HTR3A: variants seen among roughly 807,000 people sequenced by gnomAD.
HTR3A encodes 5-hydroxytryptamine receptor 3A.
A neutral mutation model predicts 54.8 loss-of-function variants in HTR3A; 45 were observed. The ratio of observed to expected loss-of-function variants is 0.82; its 90% CI spans 0.65 to 1.05. The LOEUF is 1.05. HTR3A is among the 50% of genes least tolerant of loss of function. The pLI, the probability that HTR3A is intolerant of heterozygous loss-of-function variation, is 0.00. For missense variants in HTR3A, 657 were observed against 614.0 expected (o/e 1.07, Z -0.74); for synonymous variants, 297 against 256.0 (o/e 1.16, Z -1.53).
intron 8 of HTR3A, among the ~76,000 whole-genome samples, chr11:113,988,028 G>A (rs796397498): frequency 7.2e-5 from 11 of 152,194 alleles, no homozygotes; most frequent in African/African-American, 2.7e-4. Context: ...GAATTTGCTT[G>A]TCCTAAATCA....
In HTR3A at chr11:113,986,626, G is replaced by A. The variant is rs150760041; in HGVS notation, c.814G>A (p.Glu272Lys). 11 of 1,613,832 alleles carry A rather than the reference G, an allele frequency of 6.8e-6. No homozygotes were observed. Among genetic ancestry groups the A allele is most frequent in the Admixed American group, 1.7e-5 (1 of 59,996 alleles). ...VGFYLPPNSG[E>K]RVSFKITLLL... ...CTTCTACCTGCCCCCCAACAGTGGCGAGAGGGTCTCTTTCAAGATTACACT... is the reference window on the plus strand; with the variant it reads ...CTTCTACCTGCCCCCCAACAGTGGCAAGAGGGTCTCTTTCAAGATTACACT... Residue 272 changes from glutamate to lysine, a missense_variant, in exon 7 of 9, where the codon GAG (glutamate) becomes AAG (lysine). By Grantham distance (56) the Glu-to-Lys change is moderately conservative. Coordinates refer to ENST00000504030, the MANE Select transcript of HTR3A (RefSeq NM_000869.6).
chr11:113,983,347 T>G, intron 5 of HTR3A, 58 bp downstream of exon 5: 5 of 1,597,158 alleles, frequency 3.1e-6, no homozygotes, highest in Non-Finnish European at 4.3e-6. Context: ...CAGGGACACC[T>G]GAGCGAGGAG....
At position 113,986,844 on chromosome 11, in the gene HTR3A, C is replaced by G; in HGVS notation, c.936C>G (p.Cys312Trp). ...TPLIGVYFVV[C>W]MALLVISLAE... Reference sequence around the variant, plus strand: ...GCACAGGTGTCTACTTTGTGGTGTGCATGGCTCTGCTGGTGATAAGTTTGG... The same window carrying G: ...GCACAGGTGTCTACTTTGTGGTGTGGATGGCTCTGCTGGTGATAAGTTTGG... The change falls in exon 8 of 9, where the codon TGC becomes TGG. Residue 312 changes from cysteine to tryptophan, a missense_variant. Transcript: ENST00000504030. 1 of 1,612,230 alleles carries G rather than the reference C, an allele frequency of 6.2e-7. No homozygotes were observed. Among genetic ancestry groups the G allele is most frequent in the Non-Finnish European group, 8.5e-7 (1 of 1,180,028 alleles).
In HTR3A at chr11:113,987,080, G is replaced by A. The variant is rs749216286; in HGVS notation, c.1138+34G>A. On this transcript the variant is annotated intron_variant, in intron 8 of 8. Coordinates refer to ENST00000504030, the MANE Select transcript of HTR3A (RefSeq NM_000869.6). ...CAGAAGGGAAGAGTCCATACAGAGG[G>A]GCTGCTTCTGGCTTGGATGTTGTGG... The A allele has an allele frequency of 1.3e-5, 21 of 1,601,626 alleles. No homozygotes were observed. In the African/African-American group the frequency reaches 2.0e-4, roughly 15 times the overall value.
rs375271884 is a variant in HTR3A at position 113,981,196 on chromosome 11, C to T, written c.265-7C>T. The T allele has an allele frequency of 6.3e-7, 1 of 1,578,740 alleles. No homozygotes were observed. The highest frequency in any genetic ancestry group is 1.3e-5 in the African/African-American group (1 of 74,274). ...GCTGCCTGTGACCATCCCTGCTCCT[C>T]CCCTAGTACTGGACTGATGAGTTTC... On this transcript the variant is annotated splice_polypyrimidine_tract_variant and splice_region_variant and intron_variant, in intron 3 of 8. Transcript: ENST00000504030.
Position 113,989,894 on chromosome 11 carries a change from T to A in HTR3A, c.*131T>A. 1.9e-6 allele frequency: 2 copies of A among 1,027,550 alleles called. No individual in the cohort carries two copies. 63.7% of individuals were successfully genotyped at this position (1,027,550 alleles called of 1,614,324 possible). ...GACACAGACAAAGTCCCGTGCCCTGTTTCCAATGCCAATTCATCTCAGCAA... is the reference window on the plus strand; with the variant it reads ...GACACAGACAAAGTCCCGTGCCCTGATTCCAATGCCAATTCATCTCAGCAA... On this transcript the variant is annotated 3_prime_UTR_variant, in exon 9 of 9. Transcript: ENST00000504030. This position sits in a 1 kb window ranked among gnomAD's most constrained non-coding sequence, Gnocchi z 4.4.
At position 113,979,137 on chromosome 11, in the gene HTR3A, A is replaced by C. The variant is rs987999091; in HGVS notation, c.220-96A>C. 6 of 938,606 alleles carry C rather than the reference A, an allele frequency of 6.4e-6. No homozygotes were observed. The African/African-American group carries it at 9.7e-5, about 15-fold the overall frequency. 58.1% of individuals were successfully genotyped at this position (938,606 alleles called of 1,614,324 possible). ...CTTCACTTTCACTTCCCAAAGCAATAGGGACACAAGGAAGCCCCTCCTTTA... is the reference window on the plus strand; with the variant it reads ...CTTCACTTTCACTTCCCAAAGCAATCGGGACACAAGGAAGCCCCTCCTTTA... On this transcript the variant is annotated intron_variant, in intron 2 of 8. Transcript: ENST00000504030.
rs780349387 is a variant in HTR3A, at chr11:113,983,051, A to C, written c.375-69A>C. 14 of 1,586,020 alleles carry C rather than the reference A, an allele frequency of 8.8e-6. No homozygotes were observed. In the African/African-American group the frequency reaches 1.9e-4, roughly 21 times the overall value. ...ACTTCACTCCCTACCCAGTTGTTCC[A>C]AGATCTTCAGGCACCCAGAGCTTGC... On this transcript the variant is annotated intron_variant, in intron 4 of 8. Transcript: ENST00000504030.
Position 113,989,884 on chromosome 11 carries a change from C to A in HTR3A, c.*121C>A. On this transcript the variant is annotated 3_prime_UTR_variant, in exon 9 of 9. Transcript: ENST00000504030. The surrounding 1 kb of genome is among the most constrained non-coding windows in gnomAD (Gnocchi z 4.4). ...ACATTTTCAAGACACAGACAAAGTC[C>A]CGTGCCCTGTTTCCAATGCCAATTC... The A allele has an allele frequency of 8.9e-7, 1 of 1,127,046 alleles. No homozygotes were observed. Among genetic ancestry groups the A allele is most frequent in the Non-Finnish European group, 1.3e-6 (1 of 758,390 alleles). 69.8% of individuals were successfully genotyped at this position (1,127,046 alleles called of 1,614,324 possible).
intron 1 of HTR3A, among the ~76,000 whole-genome samples, chr11:113,977,127 G>T (rs1950361228): frequency 6.6e-6 from 1 of 152,100 alleles, no homozygotes; most frequent in African/African-American, 2.4e-5. Context: ...AGGTGGACTG[G>T]GCCAGCCCTC....
chr11:113,982,211 G>C (rs1026984423), intron 4 of HTR3A, among the ~76,000 whole-genome samples: 1 of 152,140 alleles, frequency 6.6e-6, no homozygotes, highest in African/African-American at 2.4e-5. Flanking sequence ...CCACCAACTG[G>C]GTTTCAGAAT....
intron 8 of HTR3A, among the ~76,000 whole-genome samples, chr11:113,988,116 C>T (rs1188647643): frequency 6.6e-6 from 1 of 152,254 alleles, no homozygotes; most frequent in African/African-American, 2.4e-5. Flanking sequence ...CACTCCACTC[C>T]CCTTTGTCCT....
intron 5 of HTR3A, among the ~76,000 whole-genome samples, chr11:113,983,530 A>G (rs951814487): frequency 2.0e-5 from 3 of 152,174 alleles, no homozygotes; most frequent in African/African-American, 7.2e-5. Context: ...ATCCTTCTCT[A>G]CACATTTACA....
chr11:113,983,180 T>C lies in HTR3A; in HGVS notation c.435T>C (p.Val145=). ...TGTATATTCGGCATCAAGGCGAAGT[T>C]CAGAACTACAAGCCCCTTCAGGTGG... ...PYVYIRHQGE[V]QNYKPLQVVT... The change falls in exon 5 of 9, where the codon GTT becomes GTC. Residue 145 remains valine, a synonymous_variant. Transcript: ENST00000504030. 2 of 1,614,204 alleles carry C rather than the reference T, an allele frequency of 1.2e-6. No individual in the cohort carries two copies. Among genetic ancestry groups the C allele is most frequent in the East Asian group, 4.5e-5 (2 of 44,878 alleles).
chr11:113,982,105 G>A (rs1950428387), intron 4 of HTR3A, among the ~76,000 whole-genome samples: 1 of 152,142 alleles, frequency 6.6e-6, no homozygotes, highest in African/African-American at 2.4e-5. Flanking sequence ...CCAATACGAA[G>A]TGGGTTCCAC....
rs1448030210 is a variant in HTR3A, at chr11:113,981,197, C to G, written c.265-6C>G. On this transcript the variant is annotated splice_polypyrimidine_tract_variant and splice_region_variant and intron_variant, in intron 3 of 8. Coordinates refer to ENST00000504030, the MANE Select transcript of HTR3A (RefSeq NM_000869.6). Reference sequence around the variant, plus strand: ...CTGCCTGTGACCATCCCTGCTCCTCCCCTAGTACTGGACTGATGAGTTTCT... The same window carrying G: ...CTGCCTGTGACCATCCCTGCTCCTCGCCTAGTACTGGACTGATGAGTTTCT... The G allele has an allele frequency of 6.3e-7, 1 of 1,581,930 alleles. No individual in the cohort carries two copies. Among genetic ancestry groups the G allele is most frequent in the Admixed American group, 1.7e-5 (1 of 59,982 alleles).
At chr11:113,975,911 T>C (rs1950345417) in intron 1 of HTR3A, among the ~76,000 whole-genome samples, 1 of 152,202 alleles carries the variant, frequency 6.6e-6, no homozygotes, top group Non-Finnish European at 1.5e-5. Flanking sequence ...GAGTTCGTTC[T>C]CTGGGCCTGC....
At position 113,989,935 on chromosome 11, in the gene HTR3A, T is replaced by G; in HGVS notation, c.*172T>G. The G allele has an allele frequency of 1.2e-6, 1 of 805,858 alleles. No individual in the cohort carries two copies. The highest frequency in any genetic ancestry group is 2.1e-6 in the Non-Finnish European group (1 of 481,518). The allele number at this position is 805,858 out of a possible 1,614,324, so 49.9% of individuals were successfully genotyped here. A position where few individuals can be genotyped will look rare whatever the true frequency, so the allele number is the denominator to read the frequency against. On this transcript the variant is annotated 3_prime_UTR_variant, in exon 9 of 9. Coordinates refer to ENST00000504030, the MANE Select transcript of HTR3A (RefSeq NM_000869.6). This position sits in a 1 kb window ranked among gnomAD's most constrained non-coding sequence, Gnocchi z 4.4. ...ATCTCAGCAATCACAAGCCAAGGTCTGAACCCTTCCACCAAAAACTGGGTG... is the reference window on the plus strand; with the variant it reads ...ATCTCAGCAATCACAAGCCAAGGTCGGAACCCTTCCACCAAAAACTGGGTG...
rs1237009859 is a variant in HTR3A, at chr11:113,975,239, A to G, written c.-87A>G. On this transcript the variant is annotated 5_prime_UTR_variant, in exon 1 of 9. The change abolishes an upstream ATG in the 5' untranslated region. Transcript: ENST00000504030. Reference sequence around the variant, plus strand: ...CCACGAGAGGCAGGCTGGCTGGGACATGAGGTTGGCAGAGGGCAGGCAAGC... The same window carrying G: ...CCACGAGAGGCAGGCTGGCTGGGACGTGAGGTTGGCAGAGGGCAGGCAAGC... 4.6e-6 allele frequency: 6 copies of G among 1,297,384 alleles called. No homozygotes were observed. The highest frequency in any genetic ancestry group is 6.6e-6 in the Non-Finnish European group (6 of 908,028). The allele number at this position is 1,297,384 out of a possible 1,614,324, so 80.4% of individuals were successfully genotyped here.
Sources: gnomAD v4.1 joint callset for allele counts (sites outside exome capture counted in the v4.1 genomes callset) on GRCh38, gnomAD v4.1.1 for gene constraint, Gnocchi (gnomAD v3.1) non-coding constraint, MANE v1.5 for transcripts, NCBI Gene and HGNC (gene_info 2026-07-23, HGNC 2026-07-21) for gene names.